PTPRM: variants seen among roughly 807,000 people sequenced by gnomAD.
PTPRM encodes protein tyrosine phosphatase receptor type M, also known as receptor-type tyrosine-protein phosphatase mu.
Under a neutral mutation model 186.7 loss-of-function variants are expected in PTPRM, and 47 were observed. The observed-to-expected ratio is 0.25, with a 90% CI of 0.20 to 0.32. PTPRM has a LOEUF of 0.32. Among genes scored for constraint, PTPRM ranks in the 10% least tolerant of loss-of-function variants. PTPRM has a pLI of 1.00. For synonymous variants in PTPRM, 668 were observed against 674.9 expected (o/e 0.99, Z 0.16); for missense variants, 1,494 against 1,865.0 (o/e 0.80, Z 3.66).
intron 5 of PTPRM, among the ~76,000 whole-genome samples, chr18:7,942,546 G>T (rs889034424): frequency 1.3e-5 from 2 of 152,010 alleles, no homozygotes; most frequent in Non-Finnish European, 2.9e-5. Context: ...CTTTAGGGGA[G>T]GATGGAGGGA....
At chr18:7,619,508 G>A (rs914324194) in intron 1 of PTPRM, among the ~76,000 whole-genome samples, 30 of 152,162 alleles carry the variant, frequency 2.0e-4, no homozygotes, top group African/African-American at 6.8e-4. Context: ...TTAAAATACA[G>A]GATGGTGATG....
At chr18:8,329,101 TAAGC>T (rs1322183966) in intron 22 of PTPRM, among the ~76,000 whole-genome samples, 1 of 152,240 alleles carries the variant, frequency 6.6e-6, no homozygotes, top group Admixed American at 6.5e-5. Context: ...GTCCTGTTGT[TAAGC>T]AAGCACTCAG....
intron 22 of PTPRM, among the ~76,000 whole-genome samples, chr18:8,329,383 T>C (rs149877235): frequency 6.7e-4 from 102 of 152,252 alleles, no homozygotes; most frequent in Non-Finnish European, 1.2e-3. Context: ...TTTAATAGAG[T>C]GTGTGCAAAG....
intron 2 of PTPRM, 54 bp downstream of exon 2, chr18:7,774,325 A>G (rs1006784335): frequency 2.2e-5 from 35 of 1,587,418 alleles, no homozygotes; most frequent in African/African-American, 1.7e-4. Context: ...AGTCTCAATC[A>G]TACTATGTGT....
chr18:7,912,081 A>G (rs1331370376), intron 4 of PTPRM, among the ~76,000 whole-genome samples: 1 of 151,860 alleles, frequency 6.6e-6, no homozygotes, highest in Non-Finnish European at 1.5e-5. Flanking sequence ...CCAACTCTTG[A>G]CCTCAGGTGT....
intron 2 of PTPRM, chr18:7,814,392 C>A (rs970381464): frequency 6.6e-6 from 1 of 152,190 alleles, no homozygotes; most frequent in Non-Finnish European, 1.5e-5. Context: ...CAGATTACAT[C>A]CCACTGTGGG....
At chr18:7,642,865 A>AG (rs1310719264) in intron 1 of PTPRM, among the ~76,000 whole-genome samples, 6 of 145,336 alleles carry the variant, frequency 4.1e-5, no homozygotes, top group African/African-American at 1.4e-4. Flanking sequence ...AAAAAAAAAA[A>AG]AAGAAGAAGA....
intron 1 of PTPRM, among the ~76,000 whole-genome samples, chr18:7,717,278 A>G (rs910027795): frequency 6.6e-6 from 1 of 151,982 alleles, no homozygotes; most frequent in African/African-American, 2.4e-5. Context: ...AAAACCCCAG[A>G]CTCAGCTGGT....
At chr18:7,975,507 C>G (rs901398441) in intron 7 of PTPRM, among the ~76,000 whole-genome samples, 20 of 152,076 alleles carry the variant, frequency 1.3e-4, no homozygotes, top group African/African-American at 4.8e-4. Flanking sequence ...TATGGTAATG[C>G]TACATACTGT....
intron 4 of PTPRM, among the ~76,000 whole-genome samples, chr18:7,920,406 T>C (rs2050790696): frequency 2.0e-5 from 3 of 152,306 alleles, no homozygotes; most frequent in African/African-American, 4.8e-5. Context: ...CTTATAGATA[T>C]AAGTTATCTT....
At chr18:7,735,841 G>A (rs2040758089) in intron 1 of PTPRM, among the ~76,000 whole-genome samples, 1 of 148,252 alleles carries the variant, frequency 6.7e-6, no homozygotes, top group Non-Finnish European at 1.5e-5. Flanking sequence ...TTAAAGTCAA[G>A]CATTTTTTTT....
intron 13 of PTPRM, among the ~76,000 whole-genome samples, chr18:8,131,423 T>C (rs2092503225): frequency 1.3e-5 from 2 of 152,238 alleles, no homozygotes; most frequent in Non-Finnish European, 2.9e-5. Flanking sequence ...TGAATAAAGT[T>C]ACTGCATTTT....
intron 14 of PTPRM, among the ~76,000 whole-genome samples, chr18:8,186,379 A>G (rs550222541): frequency 3.3e-5 from 5 of 152,086 alleles, no homozygotes; most frequent in African/African-American, 7.2e-5. Context: ...TGTAAGCTGA[A>G]TCACCCCATC....
chr18:7,595,741 T>C (rs2037240858), intron 1 of PTPRM, among the ~76,000 whole-genome samples: 1 of 152,226 alleles, frequency 6.6e-6, no homozygotes, highest in Non-Finnish European at 1.5e-5. Context: ...AGTGATATTA[T>C]TAAGACTATT....
intron 2 of PTPRM, among the ~76,000 whole-genome samples, chr18:7,874,483 A>G (rs191210887): frequency 2.9e-4 from 44 of 152,270 alleles, no homozygotes; most frequent in Non-Finnish European, 5.6e-4. Flanking sequence ...ATCATTCATC[A>G]TCAAGTGAGG....
chr18:7,832,961 C>G (rs1377036926), intron 2 of PTPRM, among the ~76,000 whole-genome samples: 1 of 152,078 alleles, frequency 6.6e-6, no homozygotes, highest in Non-Finnish European at 1.5e-5. Flanking sequence ...GTTCTCTATT[C>G]TGTTCCATTC....
chr18:8,292,434 C>T (rs746497688), intron 19 of PTPRM, among the ~76,000 whole-genome samples: 3 of 152,264 alleles, frequency 2.0e-5, no homozygotes, highest in East Asian at 1.9e-4. Context: ...GATAAAGACT[C>T]GTGGTCTTAA....
At chr18:7,800,936 A>C (rs1238134509) in intron 2 of PTPRM, among the ~76,000 whole-genome samples, 1 of 152,164 alleles carries the variant, frequency 6.6e-6, no homozygotes, top group Non-Finnish European at 1.5e-5. Flanking sequence ...TATGGCATGC[A>C]AGATAAAAAC....
intron 1 of PTPRM, among the ~76,000 whole-genome samples, chr18:7,683,342 A>G (rs2039523371): frequency 6.6e-6 from 1 of 151,842 alleles, no homozygotes; most frequent in African/African-American, 2.4e-5. Context: ...GCTAATTAAA[A>G]AAAATGTTTT....
Sources: allele counts gnomAD v4.1 joint callset (sites outside exome capture counted in the v4.1 genomes callset), GRCh38; gene constraint gnomAD v4.1.1; transcripts MANE v1.5; gene names NCBI Gene and HGNC (gene_info 2026-07-23, HGNC 2026-07-21).